Variants in PRKN observed in about 807,000 individuals in gnomAD.
PRKN encodes parkin RBR E3 ubiquitin protein ligase.
In PRKN, 56 loss-of-function variants were observed where a neutral mutation model predicts 59.5. That is an observed-to-expected ratio of 0.94 (90% CI 0.76 to 1.18). The LOEUF (loss-of-function observed/expected upper bound fraction) is 1.18. PRKN is among the 50% of genes most tolerant of loss of function. The pLI is 0.00. For missense variants in PRKN, 657 were observed against 596.4 expected, an observed-to-expected ratio of 1.10 and a Z score of -1.06; for synonymous variants, 250 against 222.1, an observed-to-expected ratio of 1.13 and a Z score of -1.12.
intron 5 of PRKN, among the ~76,000 whole-genome samples, chr6:161,995,746 C>A (rs573035784): frequency 6.6e-6 from 1 of 152,162 alleles, no homozygotes; most frequent in East Asian, 1.9e-4. Flanking sequence ...CAAAAAGACA[C>A]AAAATAACAA....
intron 7 of PRKN, among the ~76,000 whole-genome samples, chr6:161,745,622 A>G (rs1788382433): frequency 6.6e-6 from 1 of 152,156 alleles, no homozygotes; most frequent in Admixed American, 6.5e-5. Flanking sequence ...AAGGACAGCA[A>G]ACAATTAACA....
At chr6:162,495,256 A>G (rs1463818822) in intron 1 of PRKN, among the ~76,000 whole-genome samples, 2 of 152,190 alleles carry the variant, frequency 1.3e-5, no homozygotes, top group Admixed American at 6.5e-5. Context: ...TACTTAATAC[A>G]TATCGTGTTC....
At chr6:161,721,224 A>G (rs1787208664) in intron 7 of PRKN, among the ~76,000 whole-genome samples, 1 of 152,274 alleles carries the variant, frequency 6.6e-6, no homozygotes, top group African/African-American at 2.4e-5. Context: ...ATAAAAGTAT[A>G]AAATAAAGCT....
Position 162,173,273 on chromosome 6 carries a change from C to T in PRKN, c.534+27858G>A, listed in dbSNP as rs553205213. On this transcript the variant is annotated intron_variant, in intron 4 of 11. Transcript: ENST00000366898. ...GTCATTGCCCCCAGATTCAGAACTC[C>T]CGTCTCATGTCCTGATTGCTGTGCA... Among the ~76,000 whole-genome samples, 6 of 152,268 alleles carry T rather than the reference C, an allele frequency of 3.9e-5. No individual in the cohort carries two copies. The South Asian group carries it at 1.0e-3, about 26-fold the overall frequency.
At chr6:162,427,644 G>GTT (rs1219394770) in intron 2 of PRKN, among the ~76,000 whole-genome samples, 26 of 144,266 alleles carry the variant, frequency 1.8e-4, no homozygotes, top group East Asian at 4.0e-4. Context: ...GTAAATAAAT[G>GTT]TTTTTTTTTC....
chr6:162,725,960 G>A (rs1779155964), intron 1 of PRKN, among the ~76,000 whole-genome samples: 1 of 152,098 alleles, frequency 6.6e-6, no homozygotes, highest in Non-Finnish European at 1.5e-5. Flanking sequence ...TGGAGTGAGA[G>A]AAATAACACT....
intron 9 of PRKN, among the ~76,000 whole-genome samples, chr6:161,535,197 GA>G (rs754031952): frequency 2.0e-5 from 3 of 152,176 alleles, no homozygotes; most frequent in Admixed American, 6.5e-5. Flanking sequence ...CACAACTTCA[GA>G]AGGTTATTGT....
chr6:162,287,650 CA>C (rs1262339452), intron 2 of PRKN, among the ~76,000 whole-genome samples: 1 of 152,122 alleles, frequency 6.6e-6, no homozygotes, highest in East Asian at 1.9e-4. Context: ...TAATTCCCAT[CA>C]TTTTCATCAT....
chr6:162,307,960 G>A (rs1782307703), intron 2 of PRKN, among the ~76,000 whole-genome samples: 1 of 152,162 alleles, frequency 6.6e-6, no homozygotes, highest in Non-Finnish European at 1.5e-5. Flanking sequence ...TTGTCAAGCT[G>A]GTCATTGTGT....
intron 1 of PRKN, among the ~76,000 whole-genome samples, chr6:162,648,208 C>T (rs1318636792): frequency 1.3e-5 from 2 of 152,058 alleles, no homozygotes; most frequent in East Asian, 1.9e-4. Context: ...CTCCAGCAAG[C>T]TTCAAAATGC....
intron 6 of PRKN, among the ~76,000 whole-genome samples, chr6:161,911,450 G>T (rs1778357616): frequency 6.6e-6 from 1 of 152,140 alleles, no homozygotes; most frequent in Non-Finnish European, 1.5e-5. Flanking sequence ...GACTTCCGGG[G>T]TTGTTTTCTA....
intron 4 of PRKN, among the ~76,000 whole-genome samples, chr6:162,163,145 C>A (rs1409581478): frequency 6.7e-6 from 1 of 149,418 alleles, no homozygotes; most frequent in Non-Finnish European, 1.5e-5. Context: ...AATGCCTAGA[C>A]TTCTAAGACA....
chr6:162,127,954 A>C (rs1781187501), intron 4 of PRKN, among the ~76,000 whole-genome samples: 1 of 152,214 alleles, frequency 6.6e-6, no homozygotes, highest in African/African-American at 2.4e-5. Context: ...TTTCTTCTGC[A>C]TGATACAACT....
intron 7 of PRKN, among the ~76,000 whole-genome samples, chr6:161,728,623 G>A (rs1193139393): frequency 2.0e-5 from 3 of 152,164 alleles, no homozygotes; most frequent in Non-Finnish European, 1.5e-5. Flanking sequence ...AAAAAAAGGA[G>A]AGGCTTTCTT....
rs1766410870 is a variant in PRKN at position 161,451,472 on chromosome 6, G to A, written c.1084-64595C>T. On this transcript the variant is annotated intron_variant, in intron 9 of 11. Transcript: ENST00000366898. The surrounding 1 kb of genome is among the most constrained non-coding windows in gnomAD (Gnocchi z 5.9). Reference sequence around the variant, plus strand: ...CTTCCATCAACAGACTCCATCAACAGGAGGCAACGCAGCCTCAGGATACCA... The same window carrying A: ...CTTCCATCAACAGACTCCATCAACAAGAGGCAACGCAGCCTCAGGATACCA... Among the ~76,000 whole-genome samples, 1 of 152,134 alleles carries A rather than the reference G, an allele frequency of 6.6e-6. No individual in the cohort carries two copies.
At chr6:162,307,400 T>TAAAAA (rs545669121) in intron 2 of PRKN, among the ~76,000 whole-genome samples, 1 of 75,504 alleles carries the variant, frequency 1.3e-5, no homozygotes, top group Non-Finnish European at 3.0e-5. Context: ...ACCGTCTCAA[T>TAAAAA]AAAAAAAAAA....
chr6:162,551,385 T>C (rs1779325771), intron 1 of PRKN, among the ~76,000 whole-genome samples: 1 of 152,228 alleles, frequency 6.6e-6, no homozygotes, highest in African/African-American at 2.4e-5. Context: ...AAGAATATCA[T>C]AAACAAATAA....
intron 10 of PRKN, among the ~76,000 whole-genome samples, chr6:161,375,512 C>G (rs144184636): frequency 6.6e-6 from 1 of 152,210 alleles, no homozygotes; most frequent in East Asian, 1.9e-4. Flanking sequence ...AAACCCAAAC[C>G]CCCAAGTTTC....
At chr6:162,158,152 T>G (rs1268856120) in intron 4 of PRKN, among the ~76,000 whole-genome samples, 1 of 152,044 alleles carries the variant, frequency 6.6e-6, no homozygotes, top group Non-Finnish European at 1.5e-5. Context: ...AATGAAAATT[T>G]TAAAAAGGAA....
Sources: allele counts gnomAD v4.1 joint callset (sites outside exome capture counted in the v4.1 genomes callset), GRCh38; gene constraint gnomAD v4.1.1; non-coding constraint Gnocchi (gnomAD v3.1); transcripts MANE v1.5; gene names NCBI Gene and HGNC (gene_info 2026-07-23, HGNC 2026-07-21).